CFAP58: variants seen among roughly 807,000 people sequenced by gnomAD.
The protein encoded by CFAP58 is cilia- and flagella-associated protein 58.
CFAP58 carries 88 observed loss-of-function variants against 119.5 expected under a neutral mutation model. The observed-to-expected ratio is 0.74, with a 90% confidence interval of 0.62 to 0.88. CFAP58 has a LOEUF of 0.88. Among genes scored for constraint, CFAP58 ranks in the 40% least tolerant of loss-of-function variants. CFAP58 has a pLI of 0.00. For synonymous variants in CFAP58, 365 were observed against 366.3 expected, an observed-to-expected ratio of 1.00 and a Z score of 0.04; for missense variants, 990 against 1,021.2, an observed-to-expected ratio of 0.97 and a Z score of 0.42.
rs137916345 is a variant in CFAP58, at chr10:104,395,409, A to G, written c.1674+1934A>G. ...GCTTTAGGTCATCGATTATAGGAAGATGATTGCTTTGGACTTACTGTTGAA... is the reference window on the plus strand; with the variant it reads ...GCTTTAGGTCATCGATTATAGGAAGGTGATTGCTTTGGACTTACTGTTGAA... On this transcript the variant is annotated intron_variant, in intron 11 of 17. Transcript: ENST00000369704. 2.0e-3 allele frequency among the ~76,000 whole-genome samples: 300 copies of G among 152,336 alleles called. 2 individuals carry two copies. The highest frequency in any genetic ancestry group is 0.01 in the Middle Eastern group (3 of 294).
At chr10:104,364,480 G>A (rs1358656042) in intron 3 of CFAP58, among the ~76,000 whole-genome samples, 2 of 142,272 alleles carry the variant, frequency 1.4e-5, no homozygotes, top group South Asian at 2.3e-4. Flanking sequence ...ACTCTCACAC[G>A]CATGAATAGA....
intron 15 of CFAP58, among the ~76,000 whole-genome samples, chr10:104,420,127 C>CTT (rs10708502): frequency 7.0e-6 from 1 of 143,746 alleles, no homozygotes; most frequent in Admixed American, 6.9e-5. Context: ...TGTTTGGGGC[C>CTT]TTTTTTTTTT....
At chr10:104,425,949 C>A (rs1342172973) in intron 15 of CFAP58, among the ~76,000 whole-genome samples, 1 of 152,172 alleles carries the variant, frequency 6.6e-6, no homozygotes, top group African/African-American at 2.4e-5. Flanking sequence ...AAAAGACCAA[C>A]ATAGACTGGG....
chr10:104,432,582 A>C (rs1197387973), intron 15 of CFAP58, among the ~76,000 whole-genome samples: 2 of 151,598 alleles, frequency 1.3e-5, no homozygotes, highest in Non-Finnish European at 2.9e-5. Flanking sequence ...GGCCCACTAC[A>C]TTCTCCGCCT....
the CFAP58 span, among the ~76,000 whole-genome samples, chr10:104,343,476 C>G: frequency 6.6e-6 from 1 of 152,210 alleles, no homozygotes. Flanking sequence ...ATCCTCATAT[C>G]AACTCACGTG....
chr10:104,447,185 CT>C lies in CFAP58; in HGVS notation c.2257-502del, dbSNP rs763691381. On this transcript the variant is annotated intron_variant, in intron 15 of 17. Transcript: ENST00000369704. ...TTGTATTTTTCTTTTTTTCCTCTCT[CT>C]TTTTTTTTTTAAATAGAACCGGGGT... is the stretch of plus-strand genomic sequence containing the variant. 1.2e-3 allele frequency among the ~76,000 whole-genome samples: 150 copies of C among 121,900 alleles called. 1 individual carries two copies. Among genetic ancestry groups the C allele is most frequent in the East Asian group, 7.3e-3 (28 of 3,850 alleles). 80.0% of individuals were successfully genotyped at this position (121,900 alleles called of 152,430 possible).
intron 6 of CFAP58, among the ~76,000 whole-genome samples, chr10:104,369,960 A>G (rs2014800992): frequency 6.6e-6 from 1 of 152,196 alleles, no homozygotes; most frequent in Non-Finnish European, 1.5e-5. Flanking sequence ...TGCTAGGATT[A>G]TTTTTGGGGA....
intron 15 of CFAP58, among the ~76,000 whole-genome samples, chr10:104,411,150 G>C (rs1186032006): frequency 6.6e-6 from 1 of 152,098 alleles, no homozygotes; most frequent in Non-Finnish European, 1.5e-5. Flanking sequence ...CTGTTGGCCA[G>C]GCTGGTCTCG....
the CFAP58 span, among the ~76,000 whole-genome samples, chr10:104,343,539 T>C: frequency 6.6e-6 from 1 of 152,240 alleles, no homozygotes; most frequent in Admixed American, 6.5e-5. Flanking sequence ...TTTTTGAAAA[T>C]ACATTTTATT....
intron 11 of CFAP58, among the ~76,000 whole-genome samples, chr10:104,398,950 A>G (rs2012210959): frequency 6.6e-6 from 1 of 152,128 alleles, no homozygotes; most frequent in East Asian, 1.9e-4. Flanking sequence ...TGGTAGGGCC[A>G]TTACAGGAGC....
chr10:104,394,655 T>C (rs570036701), intron 11 of CFAP58, among the ~76,000 whole-genome samples: 6 of 152,234 alleles, frequency 3.9e-5, no homozygotes, highest in Non-Finnish European at 4.4e-5. Context: ...AAAAAGATAT[T>C]GTAACTGATA....
intron 11 of CFAP58, among the ~76,000 whole-genome samples, chr10:104,397,852 C>T (rs117268074): frequency 0.012 from 1,881 of 152,300 alleles, 21 homozygotes; most frequent in South Asian, 0.054. Flanking sequence ...TTTCCTGTAA[C>T]GTATGTAACT....
At chr10:104,358,085 A>G (rs1481273131) in intron 1 of CFAP58, among the ~76,000 whole-genome samples, 3 of 139,394 alleles carry the variant, frequency 2.2e-5, no homozygotes, top group Non-Finnish European at 3.0e-5. Context: ...ACATATATAT[A>G]CACACATATA....
intron 15 of CFAP58, among the ~76,000 whole-genome samples, chr10:104,416,898 G>A (rs1220496029): frequency 6.6e-6 from 1 of 152,140 alleles, no homozygotes; most frequent in Non-Finnish European, 1.5e-5. Context: ...TGTGGTCATT[G>A]AATTTATCAT....
intron 1 of CFAP58, 102 bp downstream of exon 1, chr10:104,354,008 A>T: frequency 7.0e-7 from 1 of 1,423,206 alleles, no homozygotes; most frequent in Non-Finnish European, 9.8e-7. Context: ...ATTTCCCCCC[A>T]TCAACATCTT....
chr10:104,420,001 G>A (rs17828669), intron 15 of CFAP58, among the ~76,000 whole-genome samples: 37,042 of 151,942 alleles, frequency 0.24, 4,689 homozygotes, highest in Non-Finnish European at 0.28. Flanking sequence ...TGCAGATCAG[G>A]AAACTAAAGC....
intron 6 of CFAP58, among the ~76,000 whole-genome samples, chr10:104,370,049 A>C (rs1173247206): frequency 6.6e-6 from 1 of 152,188 alleles, no homozygotes; most frequent in East Asian, 1.9e-4. Flanking sequence ...CTAGAGACCA[A>C]CATACTTTGA....
chr10:104,432,873 G>T (rs563428740), intron 15 of CFAP58, among the ~76,000 whole-genome samples: 1 of 152,282 alleles, frequency 6.6e-6, no homozygotes, highest in Admixed American at 6.5e-5. Context: ...ATGGTAGTAT[G>T]TATTAAAGGC....
At chr10:104,373,056 A>T (rs1364525917) in intron 7 of CFAP58, among the ~76,000 whole-genome samples, 2 of 152,200 alleles carry the variant, frequency 1.3e-5, no homozygotes, top group Non-Finnish European at 2.9e-5. Context: ...TAAAATAAAT[A>T]TGTAGATATC....
Sources: gnomAD v4.1 joint callset for allele counts (sites outside exome capture counted in the v4.1 genomes callset) on GRCh38, gnomAD v4.1.1 for gene constraint, MANE v1.5 for transcripts, NCBI Gene and HGNC (gene_info 2026-07-23, HGNC 2026-07-21) for gene names.